The following CNTNAP2 variants were observed in gnomAD, a reference collection of about 807,000 sequenced individuals.
CNTNAP2 encodes contactin-associated protein-like 2.
Under a neutral mutation model 155.2 loss-of-function variants are expected in CNTNAP2, and 98 were observed. That is an observed-to-expected ratio of 0.63 (90% confidence interval 0.54 to 0.75). CNTNAP2 has a LOEUF of 0.75. Among genes scored for constraint, CNTNAP2 ranks in the 30% least tolerant of loss-of-function variants. The probability of loss-of-function intolerance (pLI) is 0.00; values close to 1 mark genes in which losing one functional copy is unlikely to be tolerated. For synonymous variants in CNTNAP2, 651 were observed against 631.2 expected (o/e 1.03, Z -0.47); for missense variants, 1,727 against 1,688.1 (o/e 1.02, Z -0.40).
chr7:147,367,362 A>T (rs1796250838), intron 9 of CNTNAP2, among the ~76,000 whole-genome samples: 1 of 152,180 alleles, frequency 6.6e-6, no homozygotes, highest in Non-Finnish European at 1.5e-5. Flanking sequence ...CCTTTGCCTG[A>T]GGCCGTTCTC....
chr7:148,074,328 G>C (rs547087837), intron 15 of CNTNAP2, among the ~76,000 whole-genome samples: 1 of 152,092 alleles, frequency 6.6e-6, no homozygotes, highest in South Asian at 2.1e-4. Context: ...TCGATGAAAG[G>C]ACTTTGTCCA....
chr7:146,406,800 C>T (rs959555732), intron 1 of CNTNAP2, among the ~76,000 whole-genome samples: 3 of 152,164 alleles, frequency 2.0e-5, no homozygotes, highest in Admixed American at 1.3e-4. Flanking sequence ...TGGTTCAGGG[C>T]TATCATCCTT....
At chr7:147,438,860 T>A (rs1169334430) in intron 10 of CNTNAP2, among the ~76,000 whole-genome samples, 1 of 151,986 alleles carries the variant, frequency 6.6e-6, no homozygotes, top group Non-Finnish European at 1.5e-5. Flanking sequence ...TTCCCTAGAT[T>A]TTTCCAATTT....
At chr7:147,282,929 T>C (rs1805076815) in intron 8 of CNTNAP2, among the ~76,000 whole-genome samples, 1 of 151,790 alleles carries the variant, frequency 6.6e-6, no homozygotes, top group African/African-American at 2.4e-5. Context: ...TAGACATAAT[T>C]TGAAAGTGAT....
intron 13 of CNTNAP2, among the ~76,000 whole-genome samples, chr7:147,792,899 C>G (rs993666851): frequency 2.0e-5 from 3 of 152,068 alleles, no homozygotes; most frequent in Admixed American, 6.6e-5. Context: ...CCATCCTACT[C>G]CAGGTGAAGT....
At chr7:147,142,873 A>G (rs1801627913) in intron 8 of CNTNAP2, among the ~76,000 whole-genome samples, 1 of 151,744 alleles carries the variant, frequency 6.6e-6, no homozygotes, top group Admixed American at 6.6e-5. Context: ...ACTACTTTCC[A>G]CTCCCTGACA....
intron 1 of CNTNAP2, among the ~76,000 whole-genome samples, chr7:146,303,566 T>C (rs1335700568): frequency 3.3e-5 from 5 of 152,142 alleles, no homozygotes; most frequent in Non-Finnish European, 7.4e-5. Flanking sequence ...AGTTTCCATG[T>C]AGTTGAGCAG....
chr7:146,815,170 G>A (rs780893675), intron 2 of CNTNAP2, among the ~76,000 whole-genome samples: 2 of 152,070 alleles, frequency 1.3e-5, no homozygotes, highest in Non-Finnish European at 2.9e-5. Context: ...TTGTTAATCT[G>A]TTAGAAGATA....
At chr7:147,798,957 G>A (rs1017817331) in intron 13 of CNTNAP2, among the ~76,000 whole-genome samples, 5 of 152,076 alleles carry the variant, frequency 3.3e-5, no homozygotes, top group East Asian at 1.9e-4. Context: ...CAACTAGATC[G>A]CAGGCAAAGA....
At chr7:146,381,947 G>T (rs1795395695) in intron 1 of CNTNAP2, among the ~76,000 whole-genome samples, 1 of 152,140 alleles carries the variant, frequency 6.6e-6, no homozygotes, top group Admixed American at 6.6e-5. Context: ...ATCCTTCCCT[G>T]ATTAAGGTTT....
intron 11 of CNTNAP2, among the ~76,000 whole-genome samples, chr7:147,511,832 A>C (rs1347992142): frequency 6.6e-6 from 1 of 152,184 alleles, no homozygotes; most frequent in Non-Finnish European, 1.5e-5. Flanking sequence ...TCCCTAAATA[A>C]GAGCTAACCT....
At chr7:146,494,774 T>C (rs777021309) in intron 1 of CNTNAP2, among the ~76,000 whole-genome samples, 1 of 152,240 alleles carries the variant, frequency 6.6e-6, no homozygotes, top group Non-Finnish European at 1.5e-5. Context: ...CTTTAAAAGA[T>C]GGAATGCTTT....
intron 9 of CNTNAP2, among the ~76,000 whole-genome samples, chr7:147,335,987 A>C (rs1487437397): frequency 6.6e-6 from 1 of 152,182 alleles, no homozygotes; most frequent in African/African-American, 2.4e-5. Flanking sequence ...TGGACTAAGC[A>C]ATTAAGTATT....
chr7:146,369,816 CAA>C (rs964843037), intron 1 of CNTNAP2, among the ~76,000 whole-genome samples: 1 of 152,020 alleles, frequency 6.6e-6, no homozygotes, highest in African/African-American at 2.4e-5. Context: ...ACATTTATCA[CAA>C]GTTACTGTTT....
chr7:146,682,300 A>G (rs967837303), intron 1 of CNTNAP2, among the ~76,000 whole-genome samples: 1 of 152,130 alleles, frequency 6.6e-6, no homozygotes, highest in African/African-American at 2.4e-5. Context: ...GTTGAGTGAT[A>G]AGCCTAGTGT....
intron 12 of CNTNAP2, among the ~76,000 whole-genome samples, chr7:147,628,315 G>A (rs1179845748): frequency 6.6e-6 from 1 of 152,124 alleles, no homozygotes; most frequent in Non-Finnish European, 1.5e-5. Context: ...AGAAAGAATT[G>A]GGGTGTCATC....
At chr7:147,328,820 G>A in intron 9 of CNTNAP2, among the ~76,000 whole-genome samples, 1 of 130,568 alleles carries the variant, frequency 7.7e-6, no homozygotes, top group African/African-American at 3.2e-5. Context: ...AGCTCTCTTG[G>A]TGCAGCAGTG....
intron 1 of CNTNAP2, among the ~76,000 whole-genome samples, chr7:146,738,562 A>G (rs1801658525): frequency 6.6e-6 from 1 of 151,362 alleles, no homozygotes; most frequent in South Asian, 2.1e-4. Context: ...TGTGCTTTTG[A>G]TGTCATATCT....
At chr7:146,802,575 A>G (rs1802897690) in intron 2 of CNTNAP2, among the ~76,000 whole-genome samples, 1 of 152,120 alleles carries the variant, frequency 6.6e-6, no homozygotes, top group African/African-American at 2.4e-5. Context: ...CAGGTTGTTT[A>G]GAAGTGTGTA....
Sources: allele counts gnomAD v4.1 joint callset (sites outside exome capture counted in the v4.1 genomes callset), GRCh38; gene constraint gnomAD v4.1.1; transcripts MANE v1.5; gene names NCBI Gene and HGNC (gene_info 2026-07-23, HGNC 2026-07-21).